PSG2: variants seen among roughly 807,000 people sequenced by gnomAD.
PSG2 encodes the protein pregnancy specific beta-1-glycoprotein 2.
A neutral mutation model predicts 36.2 loss-of-function variants in PSG2; 49 were observed. The observed-to-expected ratio is 1.35, with a 90% CI of 1.08 to 1.72. The LOEUF is 1.72. Among genes scored for constraint, PSG2 ranks in the 40% most tolerant of loss-of-function variants. PSG2 has a pLI of 0.00. For synonymous variants in PSG2, 261 were observed against 155.6 expected, an observed-to-expected ratio of 1.68 and a Z score of -5.04; for missense variants, 605 against 407.2, an observed-to-expected ratio of 1.49 and a Z score of -4.18.
intron 4 of PSG2, among the ~76,000 whole-genome samples, chr19:43,070,979 C>T (rs368577218): frequency 1.3e-5 from 2 of 151,802 alleles, no homozygotes; most frequent in East Asian, 3.9e-4. Flanking sequence ...TGCTGTGTCC[C>T]ACGTACTGTG....
Position 43,081,246 on chromosome 19 carries a change from G to A in PSG2, c.65C>T (p.Ala22Val). 1 of 1,611,046 alleles carries A rather than the reference G, an allele frequency of 6.2e-7. No individual in the cohort carries two copies. The highest frequency in any genetic ancestry group is 1.1e-5 in the South Asian group (1 of 90,888). ...CAGGTTCCAGAAGTTTAAAAGTGAT[G>A]CTAGGAGGTGGAGAGAGCATCAGAC... Reference protein sequence around the residue: ...HIKWKGLLVTASLLNFWNLPT... With the variant: ...HIKWKGLLVTVSLLNFWNLPT... The change falls in exon 2 of 6, where the codon GCA becomes GTA. Residue 22 changes from alanine to valine, a missense_variant and splice_region_variant. Ala to Val is a moderately conservative substitution (Grantham distance 64). Transcript: ENST00000406487.
At position 43,064,633 on chromosome 19, in the gene PSG2, G is replaced by T. The variant is rs916459626; in HGVS notation, c.*41-32C>A. On this transcript the variant is annotated intron_variant, in intron 5 of 5. Coordinates refer to ENST00000406487, the MANE Select transcript of PSG2 (RefSeq NM_031246.4). ...GAAAAAGCAATTTTGGACTGTAGGTGATTGTAAGTAGTTTGAGGAAGAATC... is the reference window on the plus strand; with the variant it reads ...GAAAAAGCAATTTTGGACTGTAGGTTATTGTAAGTAGTTTGAGGAAGAATC... 5.6e-5 allele frequency: 34 copies of T among 602,010 alleles called. 2 individuals are homozygous for T. The highest frequency in any genetic ancestry group is 5.3e-4 in the African/African-American group (28 of 52,924). 37.3% of individuals were successfully genotyped at this position (602,010 alleles called of 1,614,324 possible). A position where few individuals can be genotyped will look rare whatever the true frequency, so the allele number is the denominator to read the frequency against.
chr19:43,072,134 G>A (rs1229796897), intron 3 of PSG2, among the ~76,000 whole-genome samples, 180 bp from the exon 4 acceptor site: 4 of 151,596 alleles, frequency 2.6e-5, no homozygotes, highest in Non-Finnish European at 4.4e-5. Context: ...ACCACAAGAT[G>A]TGGGCCCCAA....
intron 4 of PSG2, 66 bp downstream of exon 4, chr19:43,071,634 T>C (rs1487200412): frequency 5.6e-6 from 9 of 1,612,284 alleles, no homozygotes; most frequent in Non-Finnish European, 7.6e-6. Flanking sequence ...TTTTCCTGAC[T>C]CTTCTCTGAA....
At position 43,072,073 on chromosome 19, in the gene PSG2, C is replaced by T. The variant is rs1325998333; in HGVS notation, c.710-119G>A. 17 of 1,448,364 alleles carry T rather than the reference C, an allele frequency of 1.2e-5. No individual in the cohort carries two copies. In the East Asian group the frequency reaches 3.9e-4, roughly 33 times the overall value. The allele number at this position is 1,448,364 out of a possible 1,614,324, so 89.7% of individuals were successfully genotyped here. On this transcript the variant is annotated intron_variant, in intron 3 of 5. Coordinates refer to ENST00000406487, the MANE Select transcript of PSG2 (RefSeq NM_031246.4). ...GACACATCCTCAAGTCCCAGCAAAA[C>T]CCCCTCTATGTTCACTGAGCCGAAC...
intron 2 of PSG2, among the ~76,000 whole-genome samples, chr19:43,080,141 G>A (rs1311589122): frequency 1.3e-5 from 2 of 151,790 alleles, no homozygotes; most frequent in Non-Finnish European, 2.9e-5. Flanking sequence ...AGATCCCTGT[G>A]GACAAGCTGC....
chr19:43,067,830 T>C (rs1182592955), intron 4 of PSG2, among the ~76,000 whole-genome samples: 1 of 151,102 alleles, frequency 6.6e-6, no homozygotes, highest in Non-Finnish European at 1.5e-5. Flanking sequence ...GAATCAGAGG[T>C]TCAGAGAAGT....
In PSG2 at chr19:43,075,582, C is replaced by A. The variant is rs746771821; in HGVS notation, c.481G>T (p.Ala161Ser). 6.2e-7 allele frequency: 1 copy of A among 1,613,118 alleles called. No homozygotes were observed. The highest frequency in any genetic ancestry group is 8.5e-7 in the Non-Finnish European group (1 of 1,179,760). The change falls in exon 3 of 6, where the codon GCC becomes TCC. Residue 161 changes from alanine to serine, a missense_variant. Physicochemically the swap from Ala to Ser is moderately conservative, Grantham distance 99. Coordinates refer to ENST00000406487, the MANE Select transcript of PSG2 (RefSeq NM_031246.4). ...ISSSNLNPREAMETVILTCDP... is the reference protein window; with the variant it reads ...ISSSNLNPRESMETVILTCDP... ...CAGGTTAAGATCACAGTTTCCATGG[C>A]CTCCCTGGGGTTTAAGTTGCTGCTG...
Position 43,072,412 on chromosome 19 carries a change from T to A in PSG2, c.710-458A>T, listed in dbSNP as rs1335168929. 9.3e-6 allele frequency: 15 copies of A among 1,612,436 alleles called. 1 individual carries two copies. Among genetic ancestry groups the A allele is most frequent in the Non-Finnish European group, 1.3e-5 (15 of 1,179,630 alleles). ...CACCATATCGGTCCCGTATTTCACATTCATAGGGTCCTGTTTCATTTCTCG... is the reference window on the plus strand; with the variant it reads ...CACCATATCGGTCCCGTATTTCACAATCATAGGGTCCTGTTTCATTTCTCG... On this transcript the variant is annotated intron_variant, in intron 3 of 5. Coordinates refer to ENST00000406487, the MANE Select transcript of PSG2 (RefSeq NM_031246.4).
chr19:43,074,674 T>G (rs1027641501), intron 3 of PSG2, among the ~76,000 whole-genome samples: 3 of 151,726 alleles, frequency 2.0e-5, no homozygotes, highest in East Asian at 1.9e-4. Context: ...GGAAAACATA[T>G]TGCCAATGTT....
At chr19:43,066,728 G>C (rs371744926) in intron 4 of PSG2, 128 bp from the exon 5 acceptor site, 2 of 1,358,320 alleles carry the variant, frequency 1.5e-6, no homozygotes, top group East Asian at 2.4e-5. Flanking sequence ...ATTTCTCTTG[G>C]AATATTGATG....
chr19:43,082,045 C>T (rs1279402338), intron 1 of PSG2: 1 of 155,042 alleles, frequency 6.4e-6, no homozygotes, highest in African/African-American at 2.5e-5. Flanking sequence ...CCTGTTTTGA[C>T]CCCTGTCCCT....
At chr19:43,070,666 T>G (rs1190319345) in intron 4 of PSG2, among the ~76,000 whole-genome samples, 2 of 151,470 alleles carry the variant, frequency 1.3e-5, no homozygotes, top group African/African-American at 4.9e-5. Flanking sequence ...GAGACAGAAA[T>G]TAGAATGGTG....
At chr19:43,082,397 C>G in intron 1 of PSG2, 109 bp downstream of exon 1, 1 of 1,513,644 alleles carries the variant, frequency 6.6e-7, no homozygotes, top group Non-Finnish European at 9.1e-7. Context: ...ACCTCAGCCT[C>G]CCTAAGTGCT....
chr19:43,067,681 ACCT>A (rs1350979333), intron 4 of PSG2, among the ~76,000 whole-genome samples: 1 of 151,226 alleles, frequency 6.6e-6, no homozygotes, highest in Admixed American at 6.6e-5. Flanking sequence ...GGACTATTTG[ACCT>A]CAAGGTTGAT....
In PSG2 at chr19:43,082,639, T is replaced by A; in HGVS notation, c.-70A>T. The A allele has an allele frequency of 6.3e-7, 1 of 1,584,020 alleles. No individual in the cohort carries two copies. Among genetic ancestry groups the A allele is most frequent in the South Asian group, 1.1e-5 (1 of 89,778 alleles). On this transcript the variant is annotated 5_prime_UTR_variant, in exon 1 of 6. Transcript: ENST00000406487. Reference sequence around the variant, plus strand: ...GATCCAGAAACTTCCTGAGCACGGCTGTCAGCTGTGCTGTCCTTCCTCCTT... The same window carrying A: ...GATCCAGAAACTTCCTGAGCACGGCAGTCAGCTGTGCTGTCCTTCCTCCTT...
rs994626479 is a variant in PSG2 at position 43,067,878 on chromosome 19, A to G, written c.965-1278T>C. Among the ~76,000 whole-genome samples, 7 of 151,430 alleles carry G rather than the reference A, an allele frequency of 4.6e-5. 1 individual carries two copies. The highest frequency in any genetic ancestry group is 1.7e-4 in the African/African-American group (7 of 40,826). On this transcript the variant is annotated intron_variant, in intron 4 of 5. Coordinates refer to ENST00000406487, the MANE Select transcript of PSG2 (RefSeq NM_031246.4). Reference sequence around the variant, plus strand: ...AAGAAATTTATAACTGTAAACTCTTACATTAAAAAAGAAGAAAGATCTCAG... The same window carrying G: ...AAGAAATTTATAACTGTAAACTCTTGCATTAAAAAAGAAGAAAGATCTCAG...
At chr19:43,082,470 C>T (rs1480218650) in intron 1 of PSG2, 36 bp downstream of exon 1, 1 of 1,602,466 alleles carries the variant, frequency 6.2e-7, no homozygotes, top group South Asian at 1.1e-5. Flanking sequence ...ACTCTTCTTC[C>T]TCCTCCTGTC....
chr19:43,075,714 T>C, intron 2 of PSG2, 82 bp from the exon 3 acceptor site: 1 of 1,545,128 alleles, frequency 6.5e-7, no homozygotes, highest in Non-Finnish European at 8.7e-7. Flanking sequence ...AGTTGGCATT[T>C]CCCACCTCTC....
Sources: allele counts gnomAD v4.1 joint callset (sites outside exome capture counted in the v4.1 genomes callset), GRCh38; gene constraint gnomAD v4.1.1; transcripts MANE v1.5; gene names NCBI Gene and HGNC (gene_info 2026-07-23, HGNC 2026-07-21).